The following TOP1 variants were observed in gnomAD, a reference collection of about 807,000 sequenced individuals.
The protein encoded by TOP1 is DNA topoisomerase 1.
TOP1 carries 10 observed loss-of-function variants against 111.1 expected under a neutral mutation model. That is an observed-to-expected ratio of 0.09 (90% CI 0.06 to 0.15). The LOEUF (loss-of-function observed/expected upper bound fraction) is 0.15. Among genes scored for constraint, TOP1 ranks in the 10% least tolerant of loss-of-function variants. TOP1 has a pLI of 1.00. For synonymous variants in TOP1, 271 were observed against 302.9 expected (o/e 0.89, Z 1.10); for missense variants, 474 against 926.7 (o/e 0.51, Z 6.34).
At position 41,029,144 on chromosome 20, in the gene TOP1, C is replaced by G; in HGVS notation, c.33+44C>G. 7.1e-7 allele frequency: 1 copy of G among 1,412,684 alleles called. No homozygotes were observed. The highest frequency in any genetic ancestry group is 9.3e-7 in the Non-Finnish European group (1 of 1,077,444). 87.5% of individuals were successfully genotyped at this position (1,412,684 alleles called of 1,614,324 possible). A position where few individuals can be genotyped will look rare whatever the true frequency, so the allele number is the denominator to read the frequency against. ...CTGGCGGCCCCGGACCCCGGCCTGG[C>G]CGTCCCGCGACCCCCGGCGCAGGCC... is the stretch of plus-strand genomic sequence containing the variant. On this transcript the variant is annotated intron_variant, in intron 1 of 20. Coordinates refer to ENST00000361337, the MANE Select transcript of TOP1 (RefSeq NM_003286.4). The surrounding 1 kb of genome is among the most constrained non-coding windows in gnomAD (Gnocchi z 6.1).
Position 41,071,905 on chromosome 20 carries a change from A to G in TOP1, c.156-4266A>G, listed in dbSNP as rs746346932. ...CATGGGGTAAATTCATATTTCATCCATAAGTGTGACCATTGCAGAAGTTCT... is the reference window on the plus strand; with the variant it reads ...CATGGGGTAAATTCATATTTCATCCGTAAGTGTGACCATTGCAGAAGTTCT... On this transcript the variant is annotated intron_variant, in intron 3 of 20. Coordinates refer to ENST00000361337, the MANE Select transcript of TOP1 (RefSeq NM_003286.4). This position sits in a 1 kb window ranked among gnomAD's most constrained non-coding sequence, Gnocchi z 4.3. Among the ~76,000 whole-genome samples the G allele has an allele frequency of 2.0e-5, 3 of 152,206 alleles. No homozygotes were observed. The highest frequency in any genetic ancestry group is 4.4e-5 in the Non-Finnish European group (3 of 68,034).
chr20:41,091,495 C>T (rs1038568680), intron 8 of TOP1, among the ~76,000 whole-genome samples: 1 of 150,544 alleles, frequency 6.6e-6, no homozygotes, highest in African/African-American at 2.5e-5. Context: ...AGTATCAAAT[C>T]TGCAACCAAC....
Position 41,100,266 on chromosome 20 carries a change from G to C in TOP1, c.1163+23G>C. The C allele has an allele frequency of 6.3e-7, 1 of 1,590,440 alleles. No individual in the cohort carries two copies. ...CAAGTGAGCTCGCACTTCATCCTAT[G>C]GGCCAAAAAGGGGGTGGAGGGCGTC... On this transcript the variant is annotated intron_variant, in intron 12 of 20. Coordinates refer to ENST00000361337, the MANE Select transcript of TOP1 (RefSeq NM_003286.4). The surrounding 1 kb of genome is among the most constrained non-coding windows in gnomAD (Gnocchi z 4.4).
chr20:41,067,189 G>A lies in TOP1; in HGVS notation c.155+5699G>A, dbSNP rs527992077. Among the ~76,000 whole-genome samples, 2 of 151,546 alleles carry A rather than the reference G, an allele frequency of 1.3e-5. No homozygotes were observed. The highest frequency in any genetic ancestry group is 2.9e-5 in the Non-Finnish European group (2 of 67,858). On this transcript the variant is annotated intron_variant, in intron 3 of 20. Transcript: ENST00000361337. This position sits in a 1 kb window ranked among gnomAD's most constrained non-coding sequence, Gnocchi z 4.0. Reference sequence around the variant, plus strand: ...GGCTGGAGTGCAGTGGTGTGATCTCGGCTCACTGCAACCTCTGCCTCCTGG... The same window carrying A: ...GGCTGGAGTGCAGTGGTGTGATCTCAGCTCACTGCAACCTCTGCCTCCTGG...
chr20:41,062,715 A>G (rs1387854428), intron 3 of TOP1, among the ~76,000 whole-genome samples: 1 of 152,230 alleles, frequency 6.6e-6, no homozygotes, highest in Non-Finnish European at 1.5e-5. Flanking sequence ...CTCAAAATAC[A>G]TGAAGTAAAT....
In TOP1 at chr20:41,095,166, C is replaced by T. The variant is rs2033966874; in HGVS notation, c.731-2054C>T. ...TCCAAGGTTCAAACGATTCTCATGC[C>T]TCAGCCTCCCAAGTAGCTGAAATTA... On this transcript the variant is annotated intron_variant, in intron 9 of 20. Coordinates refer to ENST00000361337, the MANE Select transcript of TOP1 (RefSeq NM_003286.4). The surrounding 1 kb of genome is among the most constrained non-coding windows in gnomAD (Gnocchi z 4.6). Among the ~76,000 whole-genome samples the T allele has an allele frequency of 6.6e-6, 1 of 152,162 alleles. No individual in the cohort carries two copies. Among genetic ancestry groups the T allele is most frequent in the African/African-American group, 2.4e-5 (1 of 41,432 alleles).
At position 41,118,104 on chromosome 20, in the gene TOP1, C is replaced by T. The variant is rs1197265963; in HGVS notation, c.1823-65C>T. The T allele has an allele frequency of 2.6e-6, 4 of 1,563,388 alleles. No homozygotes were observed. The highest frequency in any genetic ancestry group is 3.5e-6 in the Non-Finnish European group (4 of 1,145,832). ...ATGGGGACGAGGCACTGGGGGAAGA[C>T]ATACTGTGTGTTCACTTTTGGTGTA... On this transcript the variant is annotated intron_variant, in intron 17 of 20. Coordinates refer to ENST00000361337, the MANE Select transcript of TOP1 (RefSeq NM_003286.4). This position sits in a 1 kb window ranked among gnomAD's most constrained non-coding sequence, Gnocchi z 4.6.
rs2033804023 is a variant in TOP1 at position 41,082,826 on chromosome 20, G to A, written c.507+1586G>A. On this transcript the variant is annotated intron_variant, in intron 7 of 20. Transcript: ENST00000361337. This position sits in a 1 kb window ranked among gnomAD's most constrained non-coding sequence, Gnocchi z 4.1. ...GTCAGTAAAGGAATATAAAACTTGA[G>A]TTCTCCAAGTGTTTTTTTTTTATGT... Among the ~76,000 whole-genome samples the A allele has an allele frequency of 1.2e-5, 1 of 83,262 alleles. No individual in the cohort carries two copies. 54.6% of individuals were successfully genotyped at this position (83,262 alleles called of 152,430 possible). A position where few individuals can be genotyped will look rare whatever the true frequency, so the allele number is the denominator to read the frequency against.
In TOP1 at chr20:41,071,453, T is replaced by C. The variant is rs1483711923; in HGVS notation, c.156-4718T>C. Among the ~76,000 whole-genome samples the C allele has an allele frequency of 6.6e-6, 1 of 151,274 alleles. No individual in the cohort carries two copies. Among genetic ancestry groups the C allele is most frequent in the Non-Finnish European group, 1.5e-5 (1 of 67,670 alleles). On this transcript the variant is annotated intron_variant, in intron 3 of 20. Transcript: ENST00000361337. This position sits in a 1 kb window ranked among gnomAD's most constrained non-coding sequence, Gnocchi z 4.3. ...TCTGTCTCCCTGGTTCAAGTGATTC[T>C]CCTGCCTCAGCCTCCCCAGTAGCTG...
chr20:41,097,724 T>C lies in TOP1; in HGVS notation c.852+383T>C, dbSNP rs1053427312. 6.6e-6 allele frequency among the ~76,000 whole-genome samples: 1 copy of C among 152,238 alleles called. No homozygotes were observed. The highest frequency in any genetic ancestry group is 6.5e-5 in the Admixed American group (1 of 15,280). On this transcript the variant is annotated intron_variant, in intron 10 of 20. Transcript: ENST00000361337. The surrounding 1 kb of genome is among the most constrained non-coding windows in gnomAD (Gnocchi z 4.2). ...TTAATTCTTGCTCATTTATTTTAGG[T>C]ACTTTCTACTCTTGAAACCACATAT... is the stretch of plus-strand genomic sequence containing the variant.
chr20:41,086,786 T>C (rs2145942196), intron 8 of TOP1, among the ~76,000 whole-genome samples: 2 of 152,344 alleles, frequency 1.3e-5, no homozygotes, highest in South Asian at 4.1e-4. Flanking sequence ...CAGACTTTGC[T>C]ACAGCTTCTA....
Position 41,061,622 on chromosome 20 carries a change from G to C in TOP1, c.155+132G>C. The C allele has an allele frequency of 1.3e-6, 1 of 751,070 alleles. No homozygotes were observed. The highest frequency in any genetic ancestry group is 2.7e-5 in the East Asian group (1 of 36,852). 46.5% of individuals were successfully genotyped at this position (751,070 alleles called of 1,614,324 possible). ...TAAGTAGAAACTGTATTTGATCCTA[G>C]AGTTGCTATGAGGATGGCCATGATT... is the stretch of plus-strand genomic sequence containing the variant. On this transcript the variant is annotated intron_variant, in intron 3 of 20. Coordinates refer to ENST00000361337, the MANE Select transcript of TOP1 (RefSeq NM_003286.4). This position sits in a 1 kb window ranked among gnomAD's most constrained non-coding sequence, Gnocchi z 4.6.
chr20:41,113,028 C>A, intron 14 of TOP1, 103 bp downstream of exon 14: 1 of 1,179,982 alleles, frequency 8.5e-7, no homozygotes, highest in Non-Finnish European at 1.2e-6. Flanking sequence ...CACAACTCAA[C>A]ATACATATAT....
chr20:41,066,626 C>T (rs1225653684), intron 3 of TOP1, among the ~76,000 whole-genome samples: 1 of 148,616 alleles, frequency 6.7e-6, no homozygotes, highest in Non-Finnish European at 1.5e-5. Context: ...ACAATCTCGG[C>T]TCACTGCATC....
At chr20:41,047,163 T>C (rs1398889467) in intron 2 of TOP1, among the ~76,000 whole-genome samples, 2 of 152,260 alleles carry the variant, frequency 1.3e-5, no homozygotes, top group African/African-American at 4.8e-5. Context: ...TTCTGCAAAC[T>C]ACACCTGCTT....
intron 13 of TOP1, among the ~76,000 whole-genome samples, chr20:41,104,817 A>C (rs1241093315): frequency 1.3e-5 from 2 of 152,254 alleles, no homozygotes; most frequent in African/African-American, 4.8e-5. Flanking sequence ...TACTCAGCAG[A>C]ATAGTGAGAT....
rs889175358 is a variant in TOP1 at position 41,095,855 on chromosome 20, G to T, written c.731-1365G>T. Among the ~76,000 whole-genome samples the T allele has an allele frequency of 3.2e-4, 48 of 152,180 alleles. No individual in the cohort carries two copies. The highest frequency in any genetic ancestry group is 1.1e-3 in the African/African-American group (44 of 41,428). ...CTCTTAGTATAGCATGGATTGGTTC[G>T]AGGTGATGTTGTAAAGTTGGATTTT... is the stretch of plus-strand genomic sequence containing the variant. On this transcript the variant is annotated intron_variant, in intron 9 of 20. Transcript: ENST00000361337. The surrounding 1 kb of genome is among the most constrained non-coding windows in gnomAD (Gnocchi z 4.6).
chr20:41,113,861 G>C lies in TOP1; in HGVS notation c.1453-109G>C, dbSNP rs1375308587. 11 of 899,412 alleles carry C rather than the reference G, an allele frequency of 1.2e-5. No individual in the cohort carries two copies. In the African/African-American group the frequency reaches 1.5e-4, roughly 12 times the overall value. 55.7% of individuals were successfully genotyped at this position (899,412 alleles called of 1,614,324 possible). ...TTGCGCCATTGCACTCTAGCCTGGCGACAGAGCGAGACTGTCTCAAAAAAA... is the reference window on the plus strand; with the variant it reads ...TTGCGCCATTGCACTCTAGCCTGGCCACAGAGCGAGACTGTCTCAAAAAAA... On this transcript the variant is annotated intron_variant, in intron 14 of 20. Coordinates refer to ENST00000361337, the MANE Select transcript of TOP1 (RefSeq NM_003286.4).
rs1368378808 is a variant in TOP1, at chr20:41,115,639, T to C, written c.1707+200T>C. ...GAAGACACATCTGCTGCAGAACAAC[T>C]GCTAAAGCACTCAGGGTGGGGGGTA... On this transcript the variant is annotated intron_variant, in intron 16 of 20. Coordinates refer to ENST00000361337, the MANE Select transcript of TOP1 (RefSeq NM_003286.4). This position sits in a 1 kb window ranked among gnomAD's most constrained non-coding sequence, Gnocchi z 6.3. Among the ~76,000 whole-genome samples, 2 of 152,228 alleles carry C rather than the reference T, an allele frequency of 1.3e-5. No homozygotes were observed. Among genetic ancestry groups the C allele is most frequent in the South Asian group, 2.1e-4 (1 of 4,830 alleles).
Sources: allele counts gnomAD v4.1 joint callset (sites outside exome capture counted in the v4.1 genomes callset), GRCh38; gene constraint gnomAD v4.1.1; non-coding constraint Gnocchi (gnomAD v3.1); transcripts MANE v1.5; gene names NCBI Gene and HGNC (gene_info 2026-07-23, HGNC 2026-07-21).